The following NPEPL1 variants were observed in gnomAD, a reference collection of about 807,000 sequenced individuals.
The protein encoded by NPEPL1 is probable aminopeptidase NPEPL1.
NPEPL1 carries 45 observed loss-of-function variants against 52.4 expected under a neutral mutation model. That is an observed-to-expected ratio of 0.86 (90% CI 0.68 to 1.10). The LOEUF (loss-of-function observed/expected upper bound fraction) is 1.10. Ranked by LOEUF, NPEPL1 falls within the 50% of genes least tolerant of loss-of-function variation. NPEPL1 has a pLI of 0.00. For synonymous variants in NPEPL1, 360 were observed against 314.7 expected, an observed-to-expected ratio of 1.14 and a Z score of -1.52; for missense variants, 696 against 710.9, an observed-to-expected ratio of 0.98 and a Z score of 0.24.
chr20:58,698,859 G>C (rs2084549043), intron 4 of NPEPL1, 86 bp downstream of exon 4: 1 of 1,160,944 alleles, frequency 8.6e-7, no homozygotes, highest in Non-Finnish European at 1.3e-6. Flanking sequence ...ACCTGGGGCT[G>C]TCCACACCCT....
intron 5 of NPEPL1, 82 bp from the exon 6 acceptor site, chr20:58,700,934 G>C: frequency 7.6e-7 from 1 of 1,322,620 alleles, no homozygotes; most frequent in Non-Finnish European, 9.8e-7. Context: ...AACACCAGCC[G>C]GCCAGAGTTT....
chr20:58,705,617 C>T (rs1052458963), intron 6 of NPEPL1: 23 of 440,694 alleles, frequency 5.2e-5, no homozygotes, highest in East Asian at 2.8e-4. Context: ...TAAATCACTG[C>T]GAAAATGGTT....
In NPEPL1 at chr20:58,715,236, T is replaced by C; in HGVS notation, c.1482T>C (p.Pro494=). The C allele has an allele frequency of 6.2e-7, 1 of 1,609,946 alleles. No individual in the cohort carries two copies. The highest frequency in any genetic ancestry group is 8.5e-7 in the Non-Finnish European group (1 of 1,179,120). Residue 494 remains proline (P), a synonymous_variant, in exon 12 of 12, where the codon CCT becomes CCC. Transcript: ENST00000356091. The part of the protein sequence containing the change: ...LALFGRASED[P]LLNLVSPLGC... Reference sequence around the variant, plus strand: ...TCTTCGGCCGTGCCTCTGAGGACCCTCTGCTGAACCTGGTGTCCCCACTGG... The same window carrying C: ...TCTTCGGCCGTGCCTCTGAGGACCCCCTGCTGAACCTGGTGTCCCCACTGG...
upstream of NPEPL1, chr20:58,692,312 CCAT>C (rs967065367): frequency 6.3e-6 from 1 of 158,944 alleles, no homozygotes; most frequent in African/African-American, 2.4e-5. The surrounding 1 kb of genome is among the most constrained non-coding windows in gnomAD (Gnocchi z 5.7). Context: ...GCTGTACCCA[CCAT>C]GCCAGGCAGT....
rs1447204901 is a variant in NPEPL1, at chr20:58,713,211, C to G, written c.1002-209C>G. The stretch of plus-strand genomic sequence containing the variant: ...TCTCTGGCTCTCCAGAGCAGCGGGG[C>G]AGGGATGTCACCTGGAAGCCCTTTG... On this transcript the variant is annotated intron_variant, in intron 8 of 11. Transcript: ENST00000356091. The surrounding 1 kb of genome is among the most constrained non-coding windows in gnomAD (Gnocchi z 4.6). The G allele has an allele frequency of 1.8e-6, 1 of 563,990 alleles. No homozygotes were observed. The highest frequency in any genetic ancestry group is 2.9e-5 in the East Asian group (1 of 33,954). The allele number at this position is 563,990 out of a possible 1,614,324, so 34.9% of individuals were successfully genotyped here.
intron 6 of NPEPL1, among the ~76,000 whole-genome samples, chr20:58,705,208 A>G (rs2084713991): frequency 6.6e-6 from 1 of 152,304 alleles, no homozygotes; most frequent in East Asian, 1.9e-4. Flanking sequence ...TCTGGGAAAT[A>G]TCTGCCAGAT....
At position 58,713,059 on chromosome 20, in the gene NPEPL1, C is replaced by T. The variant is rs1290548319; in HGVS notation, c.1002-361C>T. 1.7e-5 allele frequency: 6 copies of T among 350,858 alleles called. No homozygotes were observed. Among genetic ancestry groups the T allele is most frequent in the East Asian group, 6.5e-5 (1 of 15,334 alleles). The allele number at this position is 350,858 out of a possible 1,614,324, so 21.7% of individuals were successfully genotyped here. A position where few individuals can be genotyped will look rare whatever the true frequency, so the allele number is the denominator to read the frequency against. On this transcript the variant is annotated intron_variant, in intron 8 of 11. Transcript: ENST00000356091. This position sits in a 1 kb window ranked among gnomAD's most constrained non-coding sequence, Gnocchi z 4.6. ...GCTGGTGCCTGAGTGGGCGCCTCCC[C>T]GCATCTCCTGCTCTTCCTCCCCATC... is the stretch of plus-strand genomic sequence containing the variant.
chr20:58,712,953 G>C, intron 8 of NPEPL1: 1 of 380,610 alleles, frequency 2.6e-6, no homozygotes, highest in Non-Finnish European at 5.1e-6. Context: ...ATTGACCCTG[G>C]AAAGTCAAAG....
chr20:58,715,302 C>G lies in NPEPL1; in HGVS notation c.1548C>G (p.Asp516Glu), dbSNP rs1360692787. Residue 516 changes from aspartate to glutamate, a missense_variant, in exon 12 of 12, where the codon GAC becomes GAG. Physicochemically the swap from Asp to Glu is conservative, Grantham distance 45. Coordinates refer to ENST00000356091, the MANE Select transcript of NPEPL1 (RefSeq NM_024663.4). ...VDVEEGDLGR[D>E]SKRRRLV The stretch of plus-strand genomic sequence containing the variant: ...TCGAGGAGGGGGACCTGGGGAGGGA[C>G]TCCAAGAGACGCAGGCTTGTGTGAG... The G allele has an allele frequency of 5.6e-6, 9 of 1,610,158 alleles. No individual in the cohort carries two copies. Among genetic ancestry groups the G allele is most frequent in the Non-Finnish European group, 5.9e-6 (7 of 1,178,492 alleles).
At chr20:58,703,992 C>A in intron 6 of NPEPL1, 1 of 985,376 alleles carries the variant, frequency 1.0e-6, no homozygotes, top group Non-Finnish European at 1.2e-6. Context: ...TTATTTTAAA[C>A]CAGCCCATCT....
At chr20:58,714,267 TG>T in intron 10 of NPEPL1, 174 bp downstream of exon 10, 1 of 686,088 alleles carries the variant, frequency 1.5e-6, no homozygotes, top group Non-Finnish European at 2.3e-6. Flanking sequence ...CCAGACAGCG[TG>T]GGCCACTCAC....
At chr20:58,696,697 C>T (rs1311585049) in intron 3 of NPEPL1, among the ~76,000 whole-genome samples, 2 of 152,276 alleles carry the variant, frequency 1.3e-5, no homozygotes, top group African/African-American at 2.4e-5. Context: ...CTGCGTCACT[C>T]GCCTTCCAAA....
intron 3 of NPEPL1, among the ~76,000 whole-genome samples, chr20:58,694,912 A>ATGCACGTGTGTGTGTATGTGCG (rs2084430538): frequency 1.3e-5 from 2 of 152,236 alleles, no homozygotes; most frequent in African/African-American, 4.8e-5. Flanking sequence ...TGTGTGATGT[A>ATGCACGTGTGTGTGTATGTGCG]TGCACGTGTG....
intron 7 of NPEPL1, 79 bp downstream of exon 7, chr20:58,707,279 G>T: frequency 1.6e-6 from 2 of 1,271,090 alleles, no homozygotes; most frequent in Admixed American, 4.4e-5. Flanking sequence ...TGTCCGTCCC[G>T]CCACAGGCCC....
At position 58,694,523 on chromosome 20, in the gene NPEPL1, G is replaced by A. The variant is rs530751574; in HGVS notation, c.438G>A (p.Lys146=). The A allele has an allele frequency of 4.3e-6, 7 of 1,614,060 alleles. No individual in the cohort carries two copies. The highest frequency in any genetic ancestry group is 3.4e-6 in the Non-Finnish European group (4 of 1,179,890). ...CAGGTGCCTCTCGGCGCTTGGAGAA[G>A]AAGACGGTCACCGTGGAGTTTTTCC... ...HRSGASRRLE[K]KTVTVEFFLV... The change falls in exon 3 of 12, where the codon AAG becomes AAA. Residue 146 remains lysine (K), a synonymous_variant. Coordinates refer to ENST00000356091, the MANE Select transcript of NPEPL1 (RefSeq NM_024663.4).
At position 58,692,847 on chromosome 20, in the gene NPEPL1, C is replaced by G; in HGVS notation, c.-54C>G. The stretch of plus-strand genomic sequence containing the variant: ...CGGGCCGGAGCGGGGCGAAGGGGGC[C>G]GAGCGGCGGGCCGGGCCGGGCCGGG... On this transcript the variant is annotated 5_prime_UTR_variant, in exon 1 of 12. Transcript: ENST00000356091. This position sits in a 1 kb window ranked among gnomAD's most constrained non-coding sequence, Gnocchi z 5.7. 1.0e-6 allele frequency: 1 copy of G among 987,932 alleles called. No individual in the cohort carries two copies. Among genetic ancestry groups the G allele is most frequent in the Non-Finnish European group, 1.2e-6 (1 of 832,606 alleles). The allele number at this position is 987,932 out of a possible 1,614,324, so 61.2% of individuals were successfully genotyped here.
chr20:58,708,062 AG>A (rs2084770897), intron 7 of NPEPL1, among the ~76,000 whole-genome samples: 2 of 130,872 alleles, frequency 1.5e-5, no homozygotes, highest in Non-Finnish European at 3.1e-5. Flanking sequence ...GCAGCCTGGG[AG>A]ATAGAGCGAG....
At position 58,707,176 on chromosome 20, in the gene NPEPL1, G is replaced by A; in HGVS notation, c.876G>A (p.Gly292=). Residue 292 remains glycine (G), a synonymous_variant, in exon 7 of 12, where the codon GGG becomes GGA. Coordinates refer to ENST00000356091, the MANE Select transcript of NPEPL1 (RefSeq NM_024663.4). ...RDCGGAAAVL[G]AFRAAIKQGF... ...GCGGGGGTGCTGCGGCCGTCCTGGGGGCCTTCAGAGCCGCAATCAAGCAGG... is the reference window on the plus strand; with the variant it reads ...GCGGGGGTGCTGCGGCCGTCCTGGGAGCCTTCAGAGCCGCAATCAAGCAGG... 6.4e-7 allele frequency: 1 copy of A among 1,552,152 alleles called. No individual in the cohort carries two copies. Among genetic ancestry groups the A allele is most frequent in the Non-Finnish European group, 8.7e-7 (1 of 1,147,692 alleles).
chr20:58,712,599 T>C lies in NPEPL1; in HGVS notation c.1001+20T>C, dbSNP rs1568861182. On this transcript the variant is annotated intron_variant, in intron 8 of 11. Coordinates refer to ENST00000356091, the MANE Select transcript of NPEPL1 (RefSeq NM_024663.4). ...AGGGAAGTACGTCTGGCCCTCCCAC[T>C]CCTTCCTGCCCACTGTTGGAACTCG... 4.5e-6 allele frequency: 7 copies of C among 1,544,988 alleles called. No individual in the cohort carries two copies. The highest frequency in any genetic ancestry group is 4.1e-5 in the African/African-American group (3 of 73,400).
Sources: allele counts gnomAD v4.1 joint callset (sites outside exome capture counted in the v4.1 genomes callset), GRCh38; gene constraint gnomAD v4.1.1; non-coding constraint Gnocchi (gnomAD v3.1); transcripts MANE v1.5; gene names NCBI Gene and HGNC (gene_info 2026-07-23, HGNC 2026-07-21).